The following PXDNL variants were observed in gnomAD, a reference collection of about 807,000 sequenced individuals.
PXDNL encodes the protein peroxidasin like, also known as probable oxidoreductase PXDNL.
In PXDNL, 145 loss-of-function variants were observed where a neutral mutation model predicts 150.8. The ratio of observed to expected loss-of-function variants is 0.96; its 90% CI spans 0.84 to 1.10. PXDNL has a LOEUF of 1.10. Among genes scored for constraint, PXDNL ranks in the 50% least tolerant of loss-of-function variants. The pLI is 0.00. For missense variants in PXDNL, 2,087 were observed against 1,873.9 expected, an observed-to-expected ratio of 1.11 and a Z score of -2.10; for synonymous variants, 757 against 725.7, an observed-to-expected ratio of 1.04 and a Z score of -0.69.
At chr8:51,447,713 G>A (rs75274415) in intron 11 of PXDNL, among the ~76,000 whole-genome samples, 2,992 of 152,186 alleles carry the variant, frequency 0.02, 63 homozygotes, top group East Asian at 0.081. Flanking sequence ...TACTCTTATG[G>A]TCATTAACAA....
At chr8:51,686,489 T>G (rs1406604616) in intron 1 of PXDNL, among the ~76,000 whole-genome samples, 1 of 152,162 alleles carries the variant, frequency 6.6e-6, no homozygotes, top group East Asian at 1.9e-4. Flanking sequence ...GGGGGCAAGG[T>G]CTCTAATTTA....
chr8:51,386,571 TAAAG>T (rs879562329), intron 17 of PXDNL, among the ~76,000 whole-genome samples: 7 of 151,856 alleles, frequency 4.6e-5, no homozygotes, highest in Admixed American at 2.0e-4. Flanking sequence ...AGATAAGAGA[TAAAG>T]AGAGATAATA....
chr8:51,382,335 G>C (rs1461200053), intron 17 of PXDNL, among the ~76,000 whole-genome samples: 2 of 152,138 alleles, frequency 1.3e-5, no homozygotes, highest in African/African-American at 4.8e-5. Flanking sequence ...CTGACACCTT[G>C]ATTCCAGACT....
intron 1 of PXDNL, among the ~76,000 whole-genome samples, chr8:51,802,571 A>C (rs567001939): frequency 6.6e-6 from 1 of 152,334 alleles, no homozygotes; most frequent in African/African-American, 2.4e-5. Flanking sequence ...GAATGCCAAA[A>C]GATTGGACAT....
At chr8:51,403,637 AT>A (rs1808337277) in intron 17 of PXDNL, among the ~76,000 whole-genome samples, 1 of 152,078 alleles carries the variant, frequency 6.6e-6, no homozygotes, top group Non-Finnish European at 1.5e-5. Flanking sequence ...TGTATCTCAA[AT>A]GTCCTTCTTG....
Position 51,746,073 on chromosome 8 carries a change from TAA to T in PXDNL, c.164+63106_164+63107del, listed in dbSNP as rs923894751. On this transcript the variant is annotated intron_variant, in intron 1 of 22. Coordinates refer to ENST00000356297, the MANE Select transcript of PXDNL (RefSeq NM_144651.5). ...CGTGCCCAGCCCTACCATTATTTTT[TAA>T]GACACACAATTCCATAGATCTTTAG... is the stretch of plus-strand genomic sequence containing the variant. Among the ~76,000 whole-genome samples the T allele has an allele frequency of 1.4e-3, 220 of 152,080 alleles. 1 individual carries two copies. The highest frequency in any genetic ancestry group is 5.2e-3 in the African/African-American group (213 of 41,356).
intron 1 of PXDNL, among the ~76,000 whole-genome samples, chr8:51,716,436 G>A (rs1188729597): frequency 6.6e-6 from 1 of 152,184 alleles, no homozygotes; most frequent in Non-Finnish European, 1.5e-5. Flanking sequence ...TTTCAGTCAA[G>A]CTAGTTGAAG....
chr8:51,474,859 A>C, intron 7 of PXDNL, 113 bp downstream of exon 7: 1 of 913,148 alleles, frequency 1.1e-6, no homozygotes. Flanking sequence ...ATTCCTTAAA[A>C]ACACTTTCTG....
intron 1 of PXDNL, among the ~76,000 whole-genome samples, chr8:51,800,862 T>C (rs1012412229): frequency 6.6e-6 from 1 of 152,150 alleles, no homozygotes; most frequent in Non-Finnish European, 1.5e-5. Context: ...ATTGTACAAA[T>C]TGATTATAGA....
intron 4 of PXDNL, among the ~76,000 whole-genome samples, chr8:51,515,434 G>A (rs16916445): frequency 0.04 from 6,064 of 152,206 alleles, 190 homozygotes; most frequent in Non-Finnish European, 0.055. Context: ...CAAAGTGCCC[G>A]GCATCCATGT....
chr8:51,577,484 C>T lies in PXDNL; in HGVS notation c.308+15143G>A, dbSNP rs558568903. ...TGAAAAGATCAATATAATTGAAAAA[C>T]CTCTGGCAAGACTGACAAAGAACAA... On this transcript the variant is annotated intron_variant, in intron 3 of 22. Coordinates refer to ENST00000356297, the MANE Select transcript of PXDNL (RefSeq NM_144651.5). Among the ~76,000 whole-genome samples, 5 of 149,510 alleles carry T rather than the reference C, an allele frequency of 3.3e-5. No homozygotes were observed. The East Asian group carries it at 7.8e-4, about 23-fold the overall frequency.
At chr8:51,671,181 T>C (rs1414260897) in intron 1 of PXDNL, among the ~76,000 whole-genome samples, 1 of 152,242 alleles carries the variant, frequency 6.6e-6, no homozygotes, top group Non-Finnish European at 1.5e-5. Context: ...TTATGCTGTA[T>C]ATCCTTATTT....
chr8:51,335,682 TACACAC>T (rs3040925), intron 21 of PXDNL, among the ~76,000 whole-genome samples: 28 of 137,574 alleles, frequency 2.0e-4, no homozygotes, highest in South Asian at 9.6e-4. Context: ...TTATATACCC[TACACAC>T]ACACACACAC....
chr8:51,467,109 T>C (rs1267124516), intron 8 of PXDNL, among the ~76,000 whole-genome samples: 1 of 152,162 alleles, frequency 6.6e-6, no homozygotes, highest in Non-Finnish European at 1.5e-5. Flanking sequence ...TACAGCACCG[T>C]TAGCAATAGC....
At chr8:51,575,117 T>A (rs1030239881) in intron 3 of PXDNL, among the ~76,000 whole-genome samples, 6 of 152,020 alleles carry the variant, frequency 3.9e-5, no homozygotes, top group Admixed American at 3.3e-4. Context: ...ACAATTATAT[T>A]ATAAATCAGG....
chr8:51,408,054 T>C lies in PXDNL; in HGVS notation c.3557+13A>G, dbSNP rs1198364766. The C allele has an allele frequency of 1.3e-6, 2 of 1,586,880 alleles. No homozygotes were observed. The highest frequency in any genetic ancestry group is 1.7e-6 in the Non-Finnish European group (2 of 1,168,210). On this transcript the variant is annotated intron_variant, in intron 17 of 22. Coordinates refer to ENST00000356297, the MANE Select transcript of PXDNL (RefSeq NM_144651.5). ...AAGAAATGTTTAAATCCAGGCAGCA[T>C]TTGCATACTTACTTTCTCAGTTTTT...
At chr8:51,572,589 T>C (rs1812969829) in intron 3 of PXDNL, among the ~76,000 whole-genome samples, 1 of 151,938 alleles carries the variant, frequency 6.6e-6, no homozygotes, top group African/African-American at 2.4e-5. Flanking sequence ...AGTATAGTTT[T>C]TGTTTGGGAT....
chr8:51,472,294 T>G lies in PXDNL; in HGVS notation c.705A>C (p.Arg235=). 1 of 1,611,064 alleles carries G rather than the reference T, an allele frequency of 6.2e-7. No individual in the cohort carries two copies. Among genetic ancestry groups the G allele is most frequent in the Non-Finnish European group, 8.5e-7 (1 of 1,177,936 alleles). ...TVEEFNCQSP[R]ITFEPQDVEV... The stretch of plus-strand genomic sequence containing the variant: ...CCACATCCTGCGGCTCAAAAGTAAT[T>G]CGGGGGCTCTCTGCAACAAAAGAAT... The change falls in exon 8 of 23, where the codon CGA becomes CGC. Residue 235 remains arginine, a synonymous_variant. Transcript: ENST00000356297.
rs192448087 is a variant in PXDNL, at chr8:51,735,578, G to A, written c.164+73603C>T. Among the ~76,000 whole-genome samples, 5 of 111,742 alleles carry A rather than the reference G, an allele frequency of 4.5e-5. No individual in the cohort carries two copies. In the East Asian group the frequency reaches 7.4e-4, roughly 16 times the overall value. 73.3% of individuals were successfully genotyped at this position (111,742 alleles called of 152,430 possible). On this transcript the variant is annotated intron_variant, in intron 1 of 22. Transcript: ENST00000356297. ...TTTTTTTTTTTTGAGACGGAGTCTC[G>A]CTCTGTCGCCCAGGCTGGAGTGCAG...
Sources: gnomAD v4.1 joint callset for allele counts (sites outside exome capture counted in the v4.1 genomes callset) on GRCh38, gnomAD v4.1.1 for gene constraint, MANE v1.5 for transcripts, NCBI Gene and HGNC (gene_info 2026-07-23, HGNC 2026-07-21) for gene names.